DACH2: variants seen among roughly 807,000 people sequenced by gnomAD.
DACH2 encodes dachshund family transcription factor 2.
Under a neutral mutation model 35.8 loss-of-function variants are expected in DACH2, and 17 were observed. The observed-to-expected ratio is 0.48, with a 90% confidence interval of 0.33 to 0.71. DACH2 has a LOEUF of 0.71. Ranked by LOEUF, DACH2 falls within the 30% of genes least tolerant of loss-of-function variation. The pLI is 0.02. For synonymous variants in DACH2, 195 were observed against 177.3 expected, an observed-to-expected ratio of 1.10 and a Z score of -0.79; for missense variants, 469 against 472.7, an observed-to-expected ratio of 0.99 and a Z score of 0.07.
chrX:86,267,222 G>A (rs1228804390), intron 1 of DACH2, among the ~76,000 whole-genome samples: 2 of 111,271 alleles, frequency 1.8e-5, no homozygotes, highest in Admixed American at 9.6e-5. Flanking sequence ...TTCCTTAAGT[G>A]CTAGAAAATA....
At chrX:86,725,637 A>G (rs2041458986) in intron 6 of DACH2, among the ~76,000 whole-genome samples, 1 of 111,250 alleles carries the variant, frequency 9.0e-6, no homozygotes, top group Non-Finnish European at 1.9e-5. Flanking sequence ...GTGGGCCTCC[A>G]GGTAGCTTGT....
At chrX:86,603,829 A>G (rs927748058) in intron 3 of DACH2, among the ~76,000 whole-genome samples, 2 of 111,121 alleles carry the variant, frequency 1.8e-5, no homozygotes, top group East Asian at 2.9e-4. Context: ...TCCTCTAACC[A>G]TTGTTTTACT....
intron 4 of DACH2, among the ~76,000 whole-genome samples, chrX:86,657,629 A>G (rs1470529858): frequency 9.0e-6 from 1 of 110,978 alleles, no homozygotes; most frequent in Non-Finnish European, 1.9e-5. Context: ...ATTTTACTTG[A>G]GAAAGGACAA....
chrX:86,653,638 G>T (rs1272011581), intron 4 of DACH2, among the ~76,000 whole-genome samples: 3 of 107,062 alleles, frequency 2.8e-5, no homozygotes, highest in Non-Finnish European at 5.8e-5. Context: ...CGCTTATGAA[G>T]CTTAGTTTGG....
At chrX:86,821,850 C>T (rs2042516063) in intron 11 of DACH2, among the ~76,000 whole-genome samples, 1 of 111,775 alleles carries the variant, frequency 8.9e-6, no homozygotes, top group African/African-American at 3.3e-5. Context: ...TATAACAGAT[C>T]AAATTGCAGT....
chrX:86,338,390 G>T (rs1022118961), intron 1 of DACH2, among the ~76,000 whole-genome samples: 1 of 111,796 alleles, frequency 8.9e-6, no homozygotes, highest in Non-Finnish European at 1.9e-5. Context: ...AATCAAATTA[G>T]AACTCAGGAT....
At chrX:86,697,094 A>G (rs1052450909) in intron 5 of DACH2, among the ~76,000 whole-genome samples, 1 of 111,584 alleles carries the variant, frequency 9.0e-6, no homozygotes. Flanking sequence ...TCACCTAAGG[A>G]CTTATGGGAG....
chrX:86,642,896 C>T (rs1327636102), intron 3 of DACH2, among the ~76,000 whole-genome samples: 1 of 111,609 alleles, frequency 9.0e-6, no homozygotes, highest in African/African-American at 3.3e-5. Context: ...TCAATAAGTT[C>T]TTTAAAAATA....
intron 7 of DACH2, among the ~76,000 whole-genome samples, chrX:86,789,133 T>A (rs1007473968): frequency 6.2e-5 from 7 of 112,261 alleles, no homozygotes; most frequent in Non-Finnish European, 7.5e-5. Context: ...TGATTACTGA[T>A]TCATGAAATA....
At chrX:86,611,672 C>T (rs1441960682) in intron 3 of DACH2, among the ~76,000 whole-genome samples, 3 of 110,946 alleles carry the variant, frequency 2.7e-5, no homozygotes, top group African/African-American at 6.6e-5. Flanking sequence ...GCATTCAGCC[C>T]GGTTTTCCTT....
intron 3 of DACH2, 95 bp from the exon 4 acceptor site, chrX:86,650,941 A>T (rs1490670552): frequency 1.3e-6 from 1 of 777,872 alleles, no homozygotes; most frequent in Non-Finnish European, 1.8e-6. Context: ...CAATATTTTC[A>T]TGTGAAAAGC....
chrX:86,801,261 C>T lies in DACH2; in HGVS notation c.1241-11595C>T, dbSNP rs116295358. ...AAGAGGTGGAGTCCCACTACATTGC[C>T]CACGCTGGAGTGCAGTGGCTATTCG... On this transcript the variant is annotated intron_variant, in intron 7 of 11. Coordinates refer to ENST00000373125, the MANE Select transcript of DACH2 (RefSeq NM_053281.3). Among the ~76,000 whole-genome samples, 889 of 108,637 alleles carry T rather than the reference C, an allele frequency of 8.2e-3. 10 individuals carry two copies. Among genetic ancestry groups the T allele is most frequent in the African/African-American group, 0.028 (833 of 29,786 alleles). 94.3% of individuals were successfully genotyped at this position (108,637 alleles called of 115,157 possible).
intron 2 of DACH2, among the ~76,000 whole-genome samples, chrX:86,422,146 AT>A (rs999209742): frequency 2.7e-5 from 3 of 110,838 alleles, no homozygotes; most frequent in Non-Finnish European, 3.8e-5. Flanking sequence ...ACTAAGAGCC[AT>A]TTTTTTTAAG....
At chrX:86,164,877 G>A (rs1263635335) in intron 1 of DACH2, among the ~76,000 whole-genome samples, 3 of 110,720 alleles carry the variant, frequency 2.7e-5, no homozygotes, top group Non-Finnish European at 3.8e-5. Flanking sequence ...TGATGCCTCC[G>A]GCTTTGTTCT....
intron 3 of DACH2, among the ~76,000 whole-genome samples, chrX:86,539,981 A>T (rs1417042757): frequency 9.0e-6 from 1 of 111,552 alleles, no homozygotes; most frequent in Non-Finnish European, 1.9e-5. Context: ...TTTAAAAATC[A>T]GTGTGAATAA....
intron 1 of DACH2, among the ~76,000 whole-genome samples, chrX:86,269,982 A>G (rs1223222652): frequency 9.5e-6 from 1 of 105,423 alleles, no homozygotes; most frequent in Non-Finnish European, 1.9e-5. Flanking sequence ...AGCAGGAAAC[A>G]AACTAAGATA....
intron 3 of DACH2, among the ~76,000 whole-genome samples, chrX:86,541,169 C>A (rs2038875397): frequency 8.9e-6 from 1 of 112,075 alleles, no homozygotes; most frequent in Non-Finnish European, 1.9e-5. Context: ...ATCAGGTTCT[C>A]ATTTCTATTC....
At chrX:86,721,152 C>G (rs1465494323) in intron 6 of DACH2, among the ~76,000 whole-genome samples, 1 of 112,352 alleles carries the variant, frequency 8.9e-6, no homozygotes, top group Non-Finnish European at 1.9e-5. Context: ...TCTTACATGC[C>G]CTGGAGGCAT....
chrX:86,512,574 G>A (rs758995671), intron 2 of DACH2, among the ~76,000 whole-genome samples: 1 of 112,104 alleles, frequency 8.9e-6, no homozygotes, highest in African/African-American at 3.2e-5. Context: ...TGAGAATGGA[G>A]ATAGCACTGA....
Sources: allele counts gnomAD v4.1 joint callset (sites outside exome capture counted in the v4.1 genomes callset), GRCh38; gene constraint gnomAD v4.1.1; transcripts MANE v1.5; gene names NCBI Gene and HGNC (gene_info 2026-07-23, HGNC 2026-07-21).